The following MAP3K12 variants were observed in gnomAD, a reference collection of about 807,000 sequenced individuals.
MAP3K12 encodes the protein MAPK-upstream kinase.
In MAP3K12, 14 loss-of-function variants were observed where a neutral mutation model predicts 87.5. The observed-to-expected ratio is 0.16, with a 90% CI of 0.11 to 0.25. MAP3K12 has a LOEUF of 0.25. Among genes scored for constraint, MAP3K12 ranks in the 10% least tolerant of loss-of-function variants. MAP3K12 has a pLI of 1.00. For missense variants in MAP3K12, 802 were observed against 1,140.4 expected, an observed-to-expected ratio of 0.70 and a Z score of 4.27; for synonymous variants, 469 against 452.5, an observed-to-expected ratio of 1.04 and a Z score of -0.46.
rs769068255 is a variant in MAP3K12 at position 53,483,207 on chromosome 12, G to A, written c.1614-18C>T. ...TATCTGGCCTGGAAGAAGAGGAAAAGTAAAAGGTTAAGACTGCCAAATCTA... is the reference window on the plus strand; with the variant it reads ...TATCTGGCCTGGAAGAAGAGGAAAAATAAAAGGTTAAGACTGCCAAATCTA... On this transcript the variant is annotated intron_variant, in intron 10 of 13. Transcript: ENST00000547488. 8 of 1,526,262 alleles carry A rather than the reference G, an allele frequency of 5.2e-6. No individual in the cohort carries two copies. Among genetic ancestry groups the A allele is most frequent in the South Asian group, 1.3e-5 (1 of 75,846 alleles). The allele number at this position is 1,526,262 out of a possible 1,614,324, so 94.5% of individuals were successfully genotyped here.
chr12:53,489,300 A>AGCCACTGAATCCCAGCCTGGGCGAC (rs1565889500), intron 1 of MAP3K12, among the ~76,000 whole-genome samples: 1 of 152,052 alleles, frequency 6.6e-6, no homozygotes, highest in East Asian at 1.9e-4. Context: ...GCCTGGGCGA[A>AGCCACTGAATCCCAGCCTGGGCGAC]GTAGCCAAAC....
chr12:53,483,230 C>G (rs771252421), intron 10 of MAP3K12, 41 bp from the exon 11 acceptor site: 1 of 1,538,024 alleles, frequency 6.5e-7, no homozygotes, highest in African/African-American at 1.4e-5. Flanking sequence ...ACTGCCAAAT[C>G]TATGTACTCA....
intron 11 of MAP3K12, 77 bp downstream of exon 11, chr12:53,482,488 A>G: frequency 1.2e-6 from 2 of 1,604,780 alleles, no homozygotes; most frequent in Non-Finnish European, 1.7e-6. Context: ...AATTGAGCAT[A>G]ATGTGGGGGA....
At chr12:53,494,884 G>A (rs906091356) in intron 1 of MAP3K12, among the ~76,000 whole-genome samples, 5 of 152,054 alleles carry the variant, frequency 3.3e-5, no homozygotes, top group Admixed American at 1.3e-4. Flanking sequence ...GCTGCAGCTC[G>A]TATTGTTTTT....
Position 53,480,259 on chromosome 12 carries a change from G to GT in MAP3K12, c.*922dup, listed in dbSNP as rs1359201874. 7 of 152,158 alleles carry GT rather than the reference G, an allele frequency of 4.6e-5. No individual in the cohort carries two copies. Among genetic ancestry groups the GT allele is most frequent in the African/African-American group, 1.4e-4 (6 of 41,436 alleles). 9.4% of individuals were successfully genotyped at this position (152,158 alleles called of 1,614,324 possible). ...TAAAAATTTCAGTCTATTGTTTTTA[G>GT]TAACTTCATTTATAGTCCTCCATAA... On this transcript the variant is annotated 3_prime_UTR_variant, in exon 14 of 14. Coordinates refer to ENST00000547488, the MANE Select transcript of MAP3K12 (RefSeq NM_001193511.2).
chr12:53,494,693 A>AT (rs1180138560), intron 1 of MAP3K12, among the ~76,000 whole-genome samples: 1 of 151,894 alleles, frequency 6.6e-6, no homozygotes, highest in Admixed American at 6.6e-5. Flanking sequence ...CTGAGACCTC[A>AT]TTTTTTTACT....
rs1314569224 is a variant in MAP3K12, at chr12:53,479,670, G to GGTTTTTTTTTTTTTTT, written c.*1511_*1512insAAAAAAAAAAAAAAAC. On this transcript the variant is annotated 3_prime_UTR_variant, in exon 14 of 14. Transcript: ENST00000547488. Reference sequence around the variant, plus strand: ...TATTTAGTTTTATAAGCTTCTCCCTGGTTTTTTTTTTTTGGCTCATGAATT... The same window carrying GGTTTTTTTTTTTTTTT: ...TATTTAGTTTTATAAGCTTCTCCCTGGTTTTTTTTTTTTTTTGTTTTTTTTTTTTGGCTCATGAATT... The GGTTTTTTTTTTTTTTT allele has an allele frequency of 4.2e-4, 120 of 284,514 alleles. No homozygotes were observed. Among genetic ancestry groups the GGTTTTTTTTTTTTTTT allele is most frequent in the Non-Finnish European group, 6.1e-4 (95 of 154,546 alleles). 17.6% of individuals were successfully genotyped at this position (284,514 alleles called of 1,614,324 possible). A position where few individuals can be genotyped will look rare whatever the true frequency, so the allele number is the denominator to read the frequency against.
chr12:53,483,965 G>A lies in MAP3K12; in HGVS notation c.1304C>T (p.Thr435Ile). ...LHFEKIKSEG[T>I]CLHRLEEELV... ...TTCCTCTTCTAGGCGGTGCAGACAGGTCCCTTCTGACTTAATCTTTTCAAA... is the reference window on the plus strand; with the variant it reads ...TTCCTCTTCTAGGCGGTGCAGACAGATCCCTTCTGACTTAATCTTTTCAAA... The change falls in exon 8 of 14, where the codon ACC becomes ATC. Residue 435 changes from threonine (T) to isoleucine (I), a missense_variant. Coordinates refer to ENST00000547488, the MANE Select transcript of MAP3K12 (RefSeq NM_001193511.2). 1 of 1,614,018 alleles carries A rather than the reference G, an allele frequency of 6.2e-7. No individual in the cohort carries two copies. The highest frequency in any genetic ancestry group is 8.5e-7 in the Non-Finnish European group (1 of 1,180,006).
At position 53,487,345 on chromosome 12, in the gene MAP3K12, C is replaced by T. The variant is rs1178748687; in HGVS notation, c.47G>A (p.Gly16Asp). ...TGCCTCACTTAGGGTAGACACAAAG[C>T]CCCCAAAGGAAGGAGAGGGTGTTCG... is the stretch of plus-strand genomic sequence containing the variant. ...ETRTPSPSFG[G>D]FVSTLSEASM... Residue 16 changes from glycine to aspartate, a missense_variant, in exon 2 of 14, where the codon GGC becomes GAC. Physicochemically the swap from Gly to Asp is moderately conservative, Grantham distance 94. Coordinates refer to ENST00000547488, the MANE Select transcript of MAP3K12 (RefSeq NM_001193511.2). The T allele has an allele frequency of 1.2e-6, 2 of 1,613,854 alleles. No homozygotes were observed. The highest frequency in any genetic ancestry group is 1.7e-6 in the Non-Finnish European group (2 of 1,179,856).
chr12:53,495,078 G>A (rs747643395), intron 1 of MAP3K12, among the ~76,000 whole-genome samples: 1 of 151,992 alleles, frequency 6.6e-6, no homozygotes, highest in African/African-American at 2.4e-5. Context: ...AGTGGCTCAC[G>A]TCTGTAGTCC....
At chr12:53,488,231 C>G (rs1285783096) in intron 1 of MAP3K12, among the ~76,000 whole-genome samples, 4 of 152,224 alleles carry the variant, frequency 2.6e-5, no homozygotes, top group African/African-American at 9.6e-5. Flanking sequence ...TTGGCCCTCC[C>G]TTCAGTCCAG....
intron 1 of MAP3K12, among the ~76,000 whole-genome samples, chr12:53,498,977 TGTGTGTGTGTGTGTGTGTGTGTGTGTGG>T (rs1337442912): frequency 6.3e-5 from 3 of 47,810 alleles, no homozygotes; most frequent in Admixed American, 2.3e-4. Flanking sequence ...TGTGTGTGTG[TGTGTGTGTGTGTGTGTGTGTGTGTGTGG>T]AGATGGTGGG....
intron 1 of MAP3K12, among the ~76,000 whole-genome samples, chr12:53,496,142 G>C (rs756442938): frequency 6.6e-5 from 10 of 152,104 alleles, no homozygotes; most frequent in Non-Finnish European, 1.3e-4. Flanking sequence ...CTGGACACCA[G>C]GTCTTTGTGG....
intron 5 of MAP3K12, 32 bp downstream of exon 5, chr12:53,485,285 C>T (rs1334310397): frequency 6.2e-7 from 1 of 1,606,344 alleles, no homozygotes; most frequent in East Asian, 2.2e-5. Flanking sequence ...GGCTGGCCAC[C>T]CACTCTTCTC....
chr12:53,492,271 G>A (rs916357811), intron 1 of MAP3K12, among the ~76,000 whole-genome samples: 2 of 152,084 alleles, frequency 1.3e-5, no homozygotes, highest in African/African-American at 4.8e-5. Flanking sequence ...TATACTGGAC[G>A]GACAATGTAG....
rs1018838665 is a variant in MAP3K12, at chr12:53,481,125, G to A, written c.*57C>T. ...ATGTGGCGCATATATATATATATAT[G>A]TATATATATATAATTTATATAAATA... On this transcript the variant is annotated 3_prime_UTR_variant, in exon 14 of 14. Transcript: ENST00000547488. 9.8e-5 allele frequency: 52 copies of A among 529,528 alleles called. No homozygotes were observed. Among genetic ancestry groups the A allele is most frequent in the Non-Finnish European group, 1.3e-4 (48 of 372,944 alleles). 32.8% of individuals were successfully genotyped at this position (529,528 alleles called of 1,614,324 possible). A position where few individuals can be genotyped will look rare whatever the true frequency, so the allele number is the denominator to read the frequency against.
chr12:53,495,721 G>A (rs150574914), intron 1 of MAP3K12, among the ~76,000 whole-genome samples: 5 of 152,050 alleles, frequency 3.3e-5, no homozygotes, highest in African/African-American at 9.6e-5. Flanking sequence ...TTCAGGATCC[G>A]CAGTCCTGGC....
chr12:53,485,664 T>G, intron 4 of MAP3K12, 189 bp from the exon 5 acceptor site: 1 of 629,600 alleles, frequency 1.6e-6, no homozygotes, highest in Non-Finnish European at 2.7e-6. Flanking sequence ...CAAGTGATTC[T>G]CCTGCCTCAG....
chr12:53,489,494 A>G (rs905262013), intron 1 of MAP3K12, among the ~76,000 whole-genome samples: 3 of 152,330 alleles, frequency 2.0e-5, no homozygotes, highest in Non-Finnish European at 4.4e-5. Context: ...ACTTGGCCCC[A>G]GGCGCCATGC....
Sources: allele counts gnomAD v4.1 joint callset (sites outside exome capture counted in the v4.1 genomes callset), GRCh38; gene constraint gnomAD v4.1.1; transcripts MANE v1.5; gene names NCBI Gene and HGNC (gene_info 2026-07-23, HGNC 2026-07-21).